Variants in SORCS2 observed in about 807,000 individuals in gnomAD.
The protein encoded by SORCS2 is sortilin related VPS10 domain containing receptor 2.
A neutral mutation model predicts 141.6 loss-of-function variants in SORCS2; 100 were observed. The ratio of observed to expected loss-of-function variants is 0.71; its 90% CI spans 0.60 to 0.83. The LOEUF is 0.83. Among genes scored for constraint, SORCS2 ranks in the 40% least tolerant of loss-of-function variants. The pLI is 0.00. For missense variants in SORCS2, 1,646 were observed against 1,560.2 expected, an observed-to-expected ratio of 1.05 and a Z score of -0.93; for synonymous variants, 789 against 676.9, an observed-to-expected ratio of 1.17 and a Z score of -2.57.
chr4:7,616,074 C>T (rs1228880834), intron 3 of SORCS2, among the ~76,000 whole-genome samples: 3 of 152,214 alleles, frequency 2.0e-5, no homozygotes, highest in African/African-American at 7.2e-5. Context: ...GCATCCCTAG[C>T]TTCAGCTGGA....
chr4:7,397,549 T>A (rs1724293951), intron 2 of SORCS2, among the ~76,000 whole-genome samples: 1 of 152,052 alleles, frequency 6.6e-6, no homozygotes, highest in Non-Finnish European at 1.5e-5. Context: ...ATGGGTCGTA[T>A]CCCTGTGTAG....
At chr4:7,331,121 T>G (rs1577407781) in intron 1 of SORCS2, among the ~76,000 whole-genome samples, 7 of 143,216 alleles carry the variant, frequency 4.9e-5, no homozygotes, top group African/African-American at 1.3e-4. Flanking sequence ...AGGCTGGGGG[T>G]GGGGACAGGG....
intron 1 of SORCS2, among the ~76,000 whole-genome samples, chr4:7,372,884 G>A (rs1722347369): frequency 6.6e-6 from 1 of 152,080 alleles, no homozygotes; most frequent in Non-Finnish European, 1.5e-5. Flanking sequence ...GTTGGTGCTG[G>A]CATGTCTGTT....
intron 3 of SORCS2, among the ~76,000 whole-genome samples, chr4:7,562,238 C>G (rs1351943414): frequency 6.6e-6 from 1 of 152,082 alleles, no homozygotes; most frequent in Non-Finnish European, 1.5e-5. Flanking sequence ...ACAATGTGCT[C>G]GACCCAGGCT....
intron 4 of SORCS2, among the ~76,000 whole-genome samples, chr4:7,640,282 G>A (rs993841855): frequency 2.7e-5 from 4 of 150,160 alleles, no homozygotes; most frequent in African/African-American, 5.0e-5. Flanking sequence ...GTGTGGGTGT[G>A]TGTGAGCATG....
chr4:7,602,607 C>T (rs553935778), intron 3 of SORCS2, among the ~76,000 whole-genome samples: 6 of 149,772 alleles, frequency 4.0e-5, no homozygotes, highest in South Asian at 2.1e-4. Flanking sequence ...GGATGACTGC[C>T]GGGAAGAGGC....
At chr4:7,580,367 G>A (rs1454602579) in intron 3 of SORCS2, among the ~76,000 whole-genome samples, 1 of 152,040 alleles carries the variant, frequency 6.6e-6, no homozygotes, top group Non-Finnish European at 1.5e-5. Context: ...GTGCACGTTT[G>A]TAATCCCAGC....
At chr4:7,252,805 A>G (rs1713594392) in intron 1 of SORCS2, among the ~76,000 whole-genome samples, 1 of 152,330 alleles carries the variant, frequency 6.6e-6, no homozygotes, top group East Asian at 1.9e-4. Context: ...ATTATTATAG[A>G]TGAAAATCTC....
At chr4:7,409,413 C>G (rs1386005124) in intron 2 of SORCS2, among the ~76,000 whole-genome samples, 1 of 152,214 alleles carries the variant, frequency 6.6e-6, no homozygotes, top group Non-Finnish European at 1.5e-5. Context: ...CAGCATGGTG[C>G]TGCTGAACAG....
At chr4:7,317,857 C>T (rs1718662729) in intron 1 of SORCS2, among the ~76,000 whole-genome samples, 1 of 152,190 alleles carries the variant, frequency 6.6e-6, no homozygotes, top group African/African-American at 2.4e-5. Flanking sequence ...AACCCGAGAA[C>T]CCGGTGAGGG....
At chr4:7,476,483 A>T (rs138809556) in intron 2 of SORCS2, among the ~76,000 whole-genome samples, 9 of 152,202 alleles carry the variant, frequency 5.9e-5, no homozygotes, top group African/African-American at 2.2e-4. Context: ...TCCTTTACCA[A>T]AGTCCTCCAT....
intron 2 of SORCS2, chr4:7,434,414 C>G (rs1174545718): frequency 1.9e-6 from 3 of 1,608,598 alleles, no homozygotes; most frequent in Non-Finnish European, 2.5e-6. Flanking sequence ...AAGGTGTCCT[C>G]TTTGGAGAGT....
intron 1 of SORCS2, among the ~76,000 whole-genome samples, chr4:7,284,458 T>C (rs2108865310): frequency 6.6e-6 from 1 of 152,274 alleles, no homozygotes; most frequent in Non-Finnish European, 1.5e-5. Context: ...GCTCAAGAAA[T>C]GGCAGCCATT....
At chr4:7,637,088 C>G (rs1720304861) in intron 3 of SORCS2, among the ~76,000 whole-genome samples, 1 of 152,190 alleles carries the variant, frequency 6.6e-6, no homozygotes, top group South Asian at 2.1e-4. Context: ...TACGGTCTAC[C>G]CTAAATCCAG....
chr4:7,514,117 G>A (rs982677329), intron 2 of SORCS2, among the ~76,000 whole-genome samples: 7 of 152,158 alleles, frequency 4.6e-5, no homozygotes, highest in African/African-American at 1.7e-4. Flanking sequence ...AGCTGCAAGG[G>A]GTGGCTGATG....
At chr4:7,501,309 T>A (rs1731963746) in intron 2 of SORCS2, among the ~76,000 whole-genome samples, 1 of 151,614 alleles carries the variant, frequency 6.6e-6, no homozygotes, top group African/African-American at 2.4e-5. Context: ...TTGCAATCAA[T>A]CCTGAGCTTT....
At chr4:7,739,670 C>A (rs374140096) in intron 26 of SORCS2, among the ~76,000 whole-genome samples, 5 of 152,160 alleles carry the variant, frequency 3.3e-5, no homozygotes, top group East Asian at 1.9e-4. Context: ...TGCTCCCAGC[C>A]GTGTCTCCCG....
chr4:7,420,735 C>T (rs751186162), intron 2 of SORCS2, among the ~76,000 whole-genome samples: 14 of 152,150 alleles, frequency 9.2e-5, no homozygotes, highest in Admixed American at 2.0e-4. Context: ...GAGAGGACTC[C>T]GTGGGATTCA....
intron 1 of SORCS2, among the ~76,000 whole-genome samples, chr4:7,377,161 ATTGT>A (rs1722708137): frequency 6.6e-6 from 1 of 152,038 alleles, no homozygotes. Flanking sequence ...TTCTCATAAC[ATTGT>A]TTGTCTTTTT....
Sources: allele counts gnomAD v4.1 joint callset (sites outside exome capture counted in the v4.1 genomes callset), GRCh38; gene constraint gnomAD v4.1.1; transcripts MANE v1.5; gene names NCBI Gene and HGNC (gene_info 2026-07-23, HGNC 2026-07-21).